CNTN3: variants seen among roughly 807,000 people sequenced by gnomAD.
The protein encoded by CNTN3 is contactin-3.
A neutral mutation model predicts 119.1 loss-of-function variants in CNTN3; 60 were observed. The observed-to-expected ratio is 0.50, with a 90% CI of 0.41 to 0.62. The LOEUF (loss-of-function observed/expected upper bound fraction) is 0.62, where lower values mean the gene tolerates loss of function less well. Ranked by LOEUF, CNTN3 falls within the 20% of genes least tolerant of loss-of-function variation. The pLI is 0.00. For synonymous variants in CNTN3, 450 were observed against 438.7 expected (o/e 1.03, Z -0.32); for missense variants, 1,101 against 1,242.4 (o/e 0.89, Z 1.71).
At chr3:74,568,294 C>T (rs1704257775) in intron 1 of CNTN3, among the ~76,000 whole-genome samples, 1 of 152,168 alleles carries the variant, frequency 6.6e-6, no homozygotes. Context: ...ACATGAATGT[C>T]AGCACATGTA....
At chr3:74,520,235 A>AT (rs1400740566) in intron 2 of CNTN3, among the ~76,000 whole-genome samples, 3 of 149,620 alleles carry the variant, frequency 2.0e-5, no homozygotes, top group Non-Finnish European at 4.4e-5. Context: ...AAGTAGACAG[A>AT]TAAAAAAAAA....
chr3:74,301,469 A>G lies in CNTN3; in HGVS notation c.2024T>C (p.Val675Ala). ...ACCTCCAATTTTGTTACTGGCTACA[A>G]CCCGAAATTCATATTCCACCCATGG... ...LNPWVEYEFR[V>A]VASNKIGGGE... The change falls in exon 16 of 23, where the codon GTT (valine) becomes GCT (alanine). Residue 675 changes from valine to alanine, a missense_variant. Val to Ala is a moderately conservative substitution (Grantham distance 64, BLOSUM62 0). Transcript: ENST00000263665. The G allele has an allele frequency of 1.2e-6, 2 of 1,614,094 alleles. No individual in the cohort carries two copies. The highest frequency in any genetic ancestry group is 1.7e-6 in the Non-Finnish European group (2 of 1,179,986).
intron 4 of CNTN3, among the ~76,000 whole-genome samples, chr3:74,451,751 G>C (rs76005730): frequency 0.49 from 69,992 of 144,000 alleles, 16,329 homozygotes; most frequent in Non-Finnish European, 0.52. Context: ...AGTTTTCCCA[G>C]CACCATTTAT....
At chr3:74,613,452 C>A (rs898880081) in intron 1 of CNTN3, among the ~76,000 whole-genome samples, 1 of 152,116 alleles carries the variant, frequency 6.6e-6, no homozygotes, top group Admixed American at 6.5e-5. Context: ...CTGGCTACCC[C>A]TTTCCCAGAG....
chr3:74,345,767 C>T (rs1403191291), intron 11 of CNTN3, among the ~76,000 whole-genome samples: 2 of 152,200 alleles, frequency 1.3e-5, no homozygotes, highest in African/African-American at 4.8e-5. Context: ...TTTCATCTTA[C>T]AGATGCTGTG....
intron 5 of CNTN3, among the ~76,000 whole-genome samples, chr3:74,383,622 A>G (rs1406834978): frequency 1.3e-5 from 2 of 152,044 alleles, no homozygotes; most frequent in East Asian, 3.9e-4. Context: ...AGTAGCTGGG[A>G]CCACAGTGCA....
chr3:74,559,263 C>A (rs1299797195), intron 1 of CNTN3, among the ~76,000 whole-genome samples: 2 of 152,124 alleles, frequency 1.3e-5, no homozygotes, highest in Admixed American at 1.3e-4. Context: ...AGCTATCTTT[C>A]TGCTCCAAAA....
intron 19 of CNTN3, among the ~76,000 whole-genome samples, chr3:74,286,408 C>A (rs955691186): frequency 2.6e-5 from 4 of 151,896 alleles, no homozygotes; most frequent in African/African-American, 4.8e-5. Context: ...TAAAAAAAAT[C>A]AGATTTGAAA....
intron 13 of CNTN3, among the ~76,000 whole-genome samples, chr3:74,307,701 G>T (rs1702593398): frequency 6.6e-6 from 1 of 152,144 alleles, no homozygotes; most frequent in South Asian, 2.1e-4. Context: ...AATACATTGT[G>T]ATATCTACCA....
intron 4 of CNTN3, among the ~76,000 whole-genome samples, chr3:74,482,566 T>C (rs1005956264): frequency 6.6e-6 from 1 of 152,070 alleles, no homozygotes; most frequent in African/African-American, 2.4e-5. Context: ...TTTTCACTAG[T>C]GTTAAAAGTG....
intron 11 of CNTN3, among the ~76,000 whole-genome samples, chr3:74,357,052 T>G (rs1487682900): frequency 6.6e-6 from 1 of 151,754 alleles, no homozygotes; most frequent in East Asian, 1.9e-4. Flanking sequence ...GCCTCCTGAG[T>G]AGCTGGGACT....
At chr3:74,469,085 T>C (rs1039689444) in intron 4 of CNTN3, among the ~76,000 whole-genome samples, 2 of 152,192 alleles carry the variant, frequency 1.3e-5, no homozygotes, top group Non-Finnish European at 2.9e-5. Flanking sequence ...ATTTGTTTCA[T>C]AGCATAAATT....
chr3:74,390,624 A>G (rs1167695123), intron 5 of CNTN3, among the ~76,000 whole-genome samples: 1 of 152,188 alleles, frequency 6.6e-6, no homozygotes, highest in Non-Finnish European at 1.5e-5. Flanking sequence ...CACTGTTACC[A>G]TCAATATTGG....
rs527467307 is a variant in CNTN3 at position 74,584,499 on chromosome 3, G to A, written c.-81+29892C>T. On this transcript the variant is annotated intron_variant, in intron 1 of 22. Coordinates refer to ENST00000263665, the MANE Select transcript of CNTN3 (RefSeq NM_020872.3). ...CTTCCTTCTACTCTCACCATGTGAC[G>A]TCTGCTCCCCTTTCCCTTGTGTCAT... is the stretch of plus-strand genomic sequence containing the variant. Among the ~76,000 whole-genome samples the A allele has an allele frequency of 2.0e-5, 3 of 152,066 alleles. No homozygotes were observed. In the East Asian group the frequency reaches 5.8e-4, roughly 30 times the overall value.
At chr3:74,396,122 T>A (rs1177600161) in intron 5 of CNTN3, among the ~76,000 whole-genome samples, 1 of 152,154 alleles carries the variant, frequency 6.6e-6, no homozygotes, top group East Asian at 1.9e-4. Context: ...CATAACAGTA[T>A]TGAAATTAGG....
intron 11 of CNTN3, among the ~76,000 whole-genome samples, chr3:74,345,367 ATCTGACTCT>A (rs1703664881): frequency 6.6e-6 from 1 of 152,206 alleles, no homozygotes; most frequent in African/African-American, 2.4e-5. Flanking sequence ...TCGTTTAAGC[ATCTGACTCT>A]TCATTTGCAC....
intron 20 of CNTN3, among the ~76,000 whole-genome samples, chr3:74,275,225 TGGGGGAA>T (rs1015812373): frequency 1.3e-5 from 2 of 152,176 alleles, no homozygotes; most frequent in African/African-American, 4.8e-5. Flanking sequence ...AAAACATATT[TGGGGGAA>T]TAATCAAGGA....
At chr3:74,427,170 T>C (rs1424627971) in intron 4 of CNTN3, among the ~76,000 whole-genome samples, 2 of 152,220 alleles carry the variant, frequency 1.3e-5, no homozygotes, top group African/African-American at 4.8e-5. Flanking sequence ...ATATCTGATA[T>C]GGCCGGTTCA....
At chr3:74,348,559 G>A (rs1354714367) in intron 11 of CNTN3, among the ~76,000 whole-genome samples, 1 of 152,062 alleles carries the variant, frequency 6.6e-6, no homozygotes, top group African/African-American at 2.4e-5. Context: ...TGATAGCATA[G>A]GAAGCCTACA....
Sources: allele counts gnomAD v4.1 joint callset (sites outside exome capture counted in the v4.1 genomes callset), GRCh38; gene constraint gnomAD v4.1.1; transcripts MANE v1.5; gene names NCBI Gene and HGNC (gene_info 2026-07-23, HGNC 2026-07-21).